Variants in PRDM5 observed in about 807,000 individuals in gnomAD.
PRDM5 encodes PR domain zinc finger protein 5.
Under a neutral mutation model 81.2 loss-of-function variants are expected in PRDM5, and 56 were observed. That is an observed-to-expected ratio of 0.69 (90% CI 0.56 to 0.86). The LOEUF (loss-of-function observed/expected upper bound fraction) is 0.86, where lower values mean the gene tolerates loss of function less well. Among genes scored for constraint, PRDM5 ranks in the 40% least tolerant of loss-of-function variants. PRDM5 has a pLI of 0.00. For synonymous variants in PRDM5, 267 were observed against 256.4 expected, an observed-to-expected ratio of 1.04 and a Z score of -0.39; for missense variants, 697 against 770.1, an observed-to-expected ratio of 0.91 and a Z score of 1.12.
At chr4:120,770,785 A>C (rs1747158312) in intron 13 of PRDM5, among the ~76,000 whole-genome samples, 1 of 152,200 alleles carries the variant, frequency 6.6e-6, no homozygotes. Context: ...ATTTTAGCAC[A>C]AATCTTATAA....
chr4:120,728,761 AC>A (rs1364640045), intron 14 of PRDM5, among the ~76,000 whole-genome samples: 1 of 152,204 alleles, frequency 6.6e-6, no homozygotes, highest in Non-Finnish European at 1.5e-5. Context: ...CTAGAAAAGA[AC>A]TGAGGTTACA....
At chr4:120,705,574 G>A (rs1735989308) in intron 15 of PRDM5, among the ~76,000 whole-genome samples, 1 of 152,126 alleles carries the variant, frequency 6.6e-6, no homozygotes. Flanking sequence ...CCAGAGTGAG[G>A]TGGAGGGTGC....
chr4:120,739,633 C>T (rs1471577929), intron 14 of PRDM5, among the ~76,000 whole-genome samples: 1 of 151,776 alleles, frequency 6.6e-6, no homozygotes, highest in Non-Finnish European at 1.5e-5. Context: ...GATAATTAAC[C>T]AACCCAAAAA....
intron 15 of PRDM5, among the ~76,000 whole-genome samples, chr4:120,696,927 G>A (rs981068860): frequency 1.8e-4 from 28 of 152,102 alleles, no homozygotes; most frequent in African/African-American, 6.8e-4. Context: ...GGAATAGCTT[G>A]TAAGCATAAG....
intron 14 of PRDM5, among the ~76,000 whole-genome samples, chr4:120,737,668 T>C (rs1320357478): frequency 6.6e-6 from 1 of 152,218 alleles, no homozygotes; most frequent in Non-Finnish European, 1.5e-5. Flanking sequence ...CATACCTTCT[T>C]GTCAAGTCTT....
At chr4:120,914,007 T>C (rs964544271) in intron 1 of PRDM5, among the ~76,000 whole-genome samples, 4 of 152,016 alleles carry the variant, frequency 2.6e-5, no homozygotes, top group Non-Finnish European at 5.9e-5. Flanking sequence ...TCAATAACAG[T>C]CTTGAGCTCC....
chr4:120,864,596 T>G (rs1322285961), intron 2 of PRDM5, among the ~76,000 whole-genome samples: 1 of 152,330 alleles, frequency 6.6e-6, no homozygotes, highest in East Asian at 1.9e-4. Flanking sequence ...CCTAGCAGTG[T>G]CATCATAGAG....
At chr4:120,703,126 T>C (rs1348211996) in intron 15 of PRDM5, among the ~76,000 whole-genome samples, 2 of 152,212 alleles carry the variant, frequency 1.3e-5, no homozygotes, top group Non-Finnish European at 2.9e-5. Context: ...TTCCTTCTCT[T>C]TCCCAGTCTT....
chr4:120,751,392 A>G (rs1175338224), intron 14 of PRDM5, among the ~76,000 whole-genome samples: 1 of 152,194 alleles, frequency 6.6e-6, no homozygotes, highest in Non-Finnish European at 1.5e-5. Context: ...ATGCAAATGA[A>G]ACAAAAATTG....
At chr4:120,908,191 T>A (rs1406930701) in intron 1 of PRDM5, among the ~76,000 whole-genome samples, 3 of 152,248 alleles carry the variant, frequency 2.0e-5, no homozygotes, top group African/African-American at 7.2e-5. Context: ...AAATGGGCTG[T>A]CCTTCAATCT....
At chr4:120,866,535 T>C (rs1232294274) in intron 2 of PRDM5, among the ~76,000 whole-genome samples, 4 of 152,238 alleles carry the variant, frequency 2.6e-5, no homozygotes, top group African/African-American at 7.2e-5. Context: ...ATATATTATA[T>C]AATTTACTCC....
chr4:120,890,374 G>T (rs1763907714), intron 2 of PRDM5, among the ~76,000 whole-genome samples: 1 of 152,142 alleles, frequency 6.6e-6, no homozygotes, highest in African/African-American at 2.4e-5. Flanking sequence ...CTCACCCCAT[G>T]ATCCAATCAC....
At chr4:120,753,167 G>A (rs772252237) in intron 14 of PRDM5, among the ~76,000 whole-genome samples, 4 of 151,932 alleles carry the variant, frequency 2.6e-5, no homozygotes, top group Admixed American at 6.6e-5. Context: ...CCTTTTTGTC[G>A]GCATCTTTTA....
At chr4:120,850,495 C>A (rs188175870) in intron 3 of PRDM5, among the ~76,000 whole-genome samples, 11 of 152,188 alleles carry the variant, frequency 7.2e-5, no homozygotes, top group African/African-American at 2.4e-4. Context: ...AAAGATGTTA[C>A]CTCAAGGGAG....
intron 14 of PRDM5, among the ~76,000 whole-genome samples, chr4:120,742,536 A>G (rs1203366146): frequency 2.6e-5 from 4 of 151,842 alleles, no homozygotes; most frequent in African/African-American, 9.7e-5. Context: ...TTTGAAAAAA[A>G]TTTAGAAGAA....
rs188672981 is a variant in PRDM5, at chr4:120,694,286, T to G, written c.*825A>C. On this transcript the variant is annotated 3_prime_UTR_variant, in exon 16 of 16. Transcript: ENST00000264808. Reference sequence around the variant, plus strand: ...AATCTATTTGGTTTCTATTTTTAATTATATATATTGGTATACTGTTAATTT... The same window carrying G: ...AATCTATTTGGTTTCTATTTTTAATGATATATATTGGTATACTGTTAATTT... The G allele has an allele frequency of 1.3e-5, 2 of 152,206 alleles. No homozygotes were observed. The highest frequency in any genetic ancestry group is 3.9e-4 in the East Asian group (2 of 5,186). 9.4% of individuals were successfully genotyped at this position (152,206 alleles called of 1,614,324 possible). A position where few individuals can be genotyped will look rare whatever the true frequency, so the allele number is the denominator to read the frequency against.
chr4:120,811,494 A>C, intron 7 of PRDM5, 45 bp from the exon 8 acceptor site: 1 of 1,251,620 alleles, frequency 8.0e-7, no homozygotes, highest in Non-Finnish European at 1.2e-6. Flanking sequence ...TGAGACTATT[A>C]AGAGGAAAAA....
chr4:120,889,680 T>TG (rs1462403349), intron 2 of PRDM5, among the ~76,000 whole-genome samples: 1 of 152,180 alleles, frequency 6.6e-6, no homozygotes, highest in Non-Finnish European at 1.5e-5. Context: ...TTTTGTGGCT[T>TG]GGGAAATAAG....
intron 14 of PRDM5, among the ~76,000 whole-genome samples, chr4:120,749,233 C>G: frequency 6.6e-6 from 1 of 151,912 alleles, no homozygotes. Flanking sequence ...ACAGAATAGT[C>G]TCACCTTTGT....
Sources: gnomAD v4.1 joint callset for allele counts (sites outside exome capture counted in the v4.1 genomes callset) on GRCh38, gnomAD v4.1.1 for gene constraint, MANE v1.5 for transcripts, NCBI Gene and HGNC (gene_info 2026-07-23, HGNC 2026-07-21) for gene names.